Variants in ZFP36L1 observed in about 807,000 individuals in gnomAD.
ZFP36L1 encodes the protein mRNA decay activator protein ZFP36L1.
A neutral mutation model predicts 16.7 loss-of-function variants in ZFP36L1; 4 were observed. The ratio of observed to expected loss-of-function variants is 0.24; its 90% confidence interval spans 0.12 to 0.55. The LOEUF is 0.55. Ranked by LOEUF, ZFP36L1 falls within the 20% of genes least tolerant of loss-of-function variation. The probability of loss-of-function intolerance (pLI) is 0.94; values close to 1 mark genes in which losing one functional copy is unlikely to be tolerated. For synonymous variants in ZFP36L1, 220 were observed against 190.8 expected, an observed-to-expected ratio of 1.15 and a Z score of -1.26; for missense variants, 311 against 449.2, an observed-to-expected ratio of 0.69 and a Z score of 2.78.
In ZFP36L1 at chr14:68,789,438, G is replaced by T. The variant is rs916073009; in HGVS notation, c.*95C>A. The T allele has an allele frequency of 2.6e-6, 4 of 1,565,762 alleles. No homozygotes were observed. Among genetic ancestry groups the T allele is most frequent in the Non-Finnish European group, 3.5e-6 (4 of 1,149,354 alleles). On this transcript the variant is annotated 3_prime_UTR_variant, in exon 2 of 2. Coordinates refer to ENST00000439696, the MANE Select transcript of ZFP36L1 (RefSeq NM_004926.4). The surrounding 1 kb of genome is among the most constrained non-coding windows in gnomAD (Gnocchi z 4.5). ...TTGAGCTTAACCTTGTTAATGTAGG[G>T]CCTGTGGGGAATGGGATGGGTAGGG... is the stretch of plus-strand genomic sequence containing the variant.
Position 68,790,220 on chromosome 14 carries a change from G to A in ZFP36L1, c.330C>T (p.Val110=), listed in dbSNP as rs957020855. 1.2e-6 allele frequency: 2 copies of A among 1,612,992 alleles called. No individual in the cohort carries two copies. The highest frequency in any genetic ancestry group is 1.7e-6 in the Non-Finnish European group (2 of 1,179,868). ...GCTCCGTCTTGTAGCGGCTGGAGTT[G>A]ACCTGGCCGCCCCCGGGCTGCTTCT... The part of the protein sequence containing the change: ...PTQKQPGGGQ[V]NSSRYKTELC... Residue 110 remains valine, a synonymous_variant, in exon 2 of 2, where the codon GTC becomes GTT. Coordinates refer to ENST00000439696, the MANE Select transcript of ZFP36L1 (RefSeq NM_004926.4).
upstream of ZFP36L1, chr14:68,793,740 G>C (rs1895175088): frequency 1.0e-6 from 1 of 985,412 alleles, no homozygotes; most frequent in Admixed American, 6.1e-5. Context: ...GAATGTTCAA[G>C]CCTAGGATTT....
At chr14:68,792,605 C>T (rs1391232439) in intron 1 of ZFP36L1, among the ~76,000 whole-genome samples, 1 of 152,222 alleles carries the variant, frequency 6.6e-6, no homozygotes, top group East Asian at 1.9e-4. Context: ...CCCAGCCCTC[C>T]CCCCGAAGCC....
upstream of ZFP36L1, chr14:68,795,713 C>A (rs1407540130): frequency 2.0e-6 from 1 of 502,248 alleles, no homozygotes; most frequent in Non-Finnish European, 4.1e-6. Context: ...TGTTTACCGG[C>A]CCCGCCGACC....
At chr14:68,792,744 G>T (rs2295751) in intron 1 of ZFP36L1, 138 bp downstream of exon 1, 1 of 1,271,440 alleles carries the variant, frequency 7.9e-7, no homozygotes, top group Non-Finnish European at 1.1e-6. Flanking sequence ...TCAAACTTGG[G>T]AGAAATGCCG....
intron 1 of ZFP36L1, chr14:68,791,049 T>C (rs1156729657): frequency 2.8e-6 from 2 of 702,246 alleles, no homozygotes; most frequent in South Asian, 1.5e-5. Context: ...GTTTTCAGAC[T>C]GCCTTTGCTT....
intron 1 of ZFP36L1, chr14:68,791,279 C>T: frequency 1.8e-6 from 1 of 546,536 alleles, no homozygotes; most frequent in Non-Finnish European, 3.2e-6. Context: ...TGGATAAGAG[C>T]TCCAGTGTTT....
At chr14:68,795,744 A>T (rs767209496), upstream of ZFP36L1, 1 of 530,850 alleles carries the variant, frequency 1.9e-6, no homozygotes, top group Non-Finnish European at 3.9e-6. Flanking sequence ...TCCAGCTCCC[A>T]GAGCCTGTCT....
chr14:68,792,625 C>A (rs1895123351), intron 1 of ZFP36L1, among the ~76,000 whole-genome samples: 2 of 152,134 alleles, frequency 1.3e-5, no homozygotes, highest in South Asian at 2.1e-4. Flanking sequence ...CCCCGGGCTG[C>A]CCTGCCAGGC....
upstream of ZFP36L1, chr14:68,793,876 C>G (rs1895179482): frequency 2.1e-6 from 2 of 973,898 alleles, no homozygotes; most frequent in South Asian, 4.9e-5. Context: ...GTGCGCCGCA[C>G]GCGTCGACAC....
intron 1 of ZFP36L1, among the ~76,000 whole-genome samples, chr14:68,792,262 T>C (rs1895099090): frequency 6.8e-6 from 1 of 147,628 alleles, no homozygotes; most frequent in Admixed American, 6.7e-5. Context: ...TGAATGCCTC[T>C]TTCACCCCAA....
upstream of ZFP36L1, chr14:68,794,819 A>G: frequency 6.6e-6 from 1 of 152,516 alleles, no homozygotes; most frequent in East Asian, 1.9e-4. Context: ...CAATTGTTTG[A>G]GAAACCGGCT....
At chr14:68,796,189 G>C, upstream of ZFP36L1, 1 of 1,366,774 alleles carries the variant, frequency 7.3e-7, no homozygotes, top group African/African-American at 1.5e-5. Context: ...GGGCGGCCCA[G>C]GTATTTTAGC....
chr14:68,795,214 G>A (rs534291706), upstream of ZFP36L1, among the ~76,000 whole-genome samples: 24 of 152,300 alleles, frequency 1.6e-4, no homozygotes, highest in African/African-American at 5.8e-4. Context: ...TCAGGACAGA[G>A]CAGAGTGCGC....
chr14:68,796,119 G>C (rs758938655), upstream of ZFP36L1: 3 of 1,365,080 alleles, frequency 2.2e-6, no homozygotes, highest in Admixed American at 1.9e-5. Context: ...CGGCTCCTCT[G>C]TCCCAGGCCC....
At chr14:68,794,329 A>AG (rs1440951564), upstream of ZFP36L1, 1 of 152,130 alleles carries the variant, frequency 6.6e-6, no homozygotes, top group African/African-American at 2.4e-5. Context: ...GGAGGTGGAG[A>AG]GGGGGACATG....
upstream of ZFP36L1, among the ~76,000 whole-genome samples, chr14:68,795,169 C>T: frequency 6.6e-6 from 1 of 152,106 alleles, no homozygotes; most frequent in Admixed American, 6.5e-5. Context: ...AGATTTCGTG[C>T]AGTTTCTTGG....
chr14:68,793,929 T>TTGGGGGGGGGG, upstream of ZFP36L1: 2 of 180,656 alleles, frequency 1.1e-5, no homozygotes, highest in Non-Finnish European at 1.7e-5. Flanking sequence ...TGTGGGCGGG[T>TTGGGGGGGGGG]GGGGGGCGCC....
chr14:68,789,515 G>A lies in ZFP36L1; in HGVS notation c.*18C>T, dbSNP rs1336171793. On this transcript the variant is annotated 3_prime_UTR_variant, in exon 2 of 2. Transcript: ENST00000439696. This position sits in a 1 kb window ranked among gnomAD's most constrained non-coding sequence, Gnocchi z 4.5. ...GGGTAGGGGCTGGAGTAGGCAGGAG[G>A]TCCCTCCCTACCCTGGCTTAGTCAT... The A allele has an allele frequency of 1.9e-6, 3 of 1,612,488 alleles. No individual in the cohort carries two copies. The African/African-American group carries it at 4.0e-5, about 22-fold the overall frequency.
Sources: allele counts gnomAD v4.1 joint callset (sites outside exome capture counted in the v4.1 genomes callset), GRCh38; gene constraint gnomAD v4.1.1; non-coding constraint Gnocchi (gnomAD v3.1); transcripts MANE v1.5; gene names NCBI Gene and HGNC (gene_info 2026-07-23, HGNC 2026-07-21).